Variants in EPPK1 observed in about 807,000 individuals in gnomAD.
The protein encoded by EPPK1 is epiplakin.
For synonymous variants in EPPK1, 1,862 were observed against 1,721.2 expected (o/e 1.08, Z -2.03); for missense variants, 3,823 against 3,673.3 (o/e 1.04, Z -1.05).
At position 143,866,962 on chromosome 8, in the gene EPPK1, C is replaced by G; in HGVS notation, c.6292G>C (p.Glu2098Gln). The G allele has an allele frequency of 2.5e-6, 4 of 1,612,842 alleles. No homozygotes were observed. The South Asian group carries it at 3.3e-5, about 13-fold the overall frequency. ...AARDSEHIDD[E>Q]TRRALEAEQV... The stretch of plus-strand genomic sequence containing the variant: ...TCTGCCTCCAGGGCCCTTCTCGTCT[C>G]GTCATCGATGTGCTCGGAGTCCCGT... The change falls in exon 2 of 2, where the codon GAG becomes CAG. Residue 2098 changes from glutamate (E) to glutamine (Q), a missense_variant. Physicochemically the swap from Glu to Gln is conservative, Grantham distance 29. Coordinates refer to ENST00000615648, the MANE Select transcript of EPPK1 (RefSeq NM_031308.4).
chr8:143,872,826 T>A lies in EPPK1; in HGVS notation c.428A>T (p.Asp143Val), dbSNP rs966497949. The change falls in exon 2 of 2, where the codon GAC becomes GTC. Residue 143 changes from aspartate to valine, a missense_variant. By Grantham distance (152) the Asp-to-Val change is radical. Transcript: ENST00000615648. ...CAGCCAGCTCTGCCCCAGGGCCCTG[T>A]CCACAACCTCCTTCCCGATGGCCTG... ...LFQAIGKEVV[D>V]RALGQSWLEV... 6.4e-7 allele frequency: 1 copy of A among 1,561,564 alleles called. No individual in the cohort carries two copies.
chr8:143,871,331 G>A lies in EPPK1; in HGVS notation c.1923C>T (p.Leu641=), dbSNP rs368141570. ...CKGLLRPGTA[L]ILLEAQAATG... is the part of the protein sequence containing the mutation. ...TGGCAGCTTGTGCCTCCAGAAGGAT[G>A]AGGGCAGTGCCGGGCCGGAGGAGCC... The change falls in exon 2 of 2, where the codon CTC becomes CTT. Residue 641 remains leucine, a synonymous_variant. Coordinates refer to ENST00000615648, the MANE Select transcript of EPPK1 (RefSeq NM_031308.4). The A allele has an allele frequency of 1.2e-6, 2 of 1,611,660 alleles. No individual in the cohort carries two copies. The highest frequency in any genetic ancestry group is 2.2e-5 in the South Asian group (2 of 90,872).
chr8:143,878,698 G>A (rs1819541288), upstream of EPPK1, among the ~76,000 whole-genome samples: 3 of 152,058 alleles, frequency 2.0e-5, no homozygotes, highest in South Asian at 6.2e-4. Flanking sequence ...GGGCGGGCGC[G>A]GAGGCGTCCT....
chr8:143,873,170 G>A lies in EPPK1; in HGVS notation c.84C>T (p.Ala28=). The change falls in exon 2 of 2, where the codon GCC becomes GCT. Residue 28 remains alanine (A), a synonymous_variant. Transcript: ENST00000615648. ...EQASVPRAMA[A]TLGAGTPPRP... ...TGGGGGGCGTGCCGGCTCCCAGCGTGGCTGCCATGGCTCTGGGTACACTGG... is the reference window on the plus strand; with the variant it reads ...TGGGGGGCGTGCCGGCTCCCAGCGTAGCTGCCATGGCTCTGGGTACACTGG... 1 of 1,594,744 alleles carries A rather than the reference G, an allele frequency of 6.3e-7. No individual in the cohort carries two copies.
intron 1 of EPPK1, among the ~76,000 whole-genome samples, chr8:143,876,910 G>T (rs1022952113): frequency 2.0e-5 from 3 of 152,244 alleles, no homozygotes; most frequent in Non-Finnish European, 4.4e-5. Flanking sequence ...CAGTGAGGGT[G>T]GGGACAGCAC....
Position 143,857,920 on chromosome 8 carries a change from C to CCAAACAAAAAA in EPPK1, c.*66_*67insTTTTTTGTTTG. 1 of 319,416 alleles carries CCAAACAAAAAA rather than the reference C, an allele frequency of 3.1e-6. No individual in the cohort carries two copies. The allele number at this position is 319,416 out of a possible 1,614,324, so 19.8% of individuals were successfully genotyped here. On this transcript the variant is annotated 3_prime_UTR_variant, in exon 2 of 2. Coordinates refer to ENST00000615648, the MANE Select transcript of EPPK1 (RefSeq NM_031308.4). ...ACAAAAAAAAAAAAAAAAAAAAAAA[C>CCAAACAAAAAA]AACCCAGACACACAAGTATGCCTCC...
In EPPK1 at chr8:143,870,165, A is replaced by G; in HGVS notation, c.3089T>C (p.Leu1030Pro). ...VSVFQAMKKG[L>P]IPWEQAARLL... ...GCGGGCAGCTTGCTCCCAAGGGATG[A>G]GACCTTTCTTCATGGCCTGGAACAC... is the stretch of plus-strand genomic sequence containing the variant. The change falls in exon 2 of 2, where the codon CTC becomes CCC. Residue 1030 changes from leucine to proline, a missense_variant. Transcript: ENST00000615648. The surrounding 1 kb of genome is among the most constrained non-coding windows in gnomAD (Gnocchi z 5.2). The G allele has an allele frequency of 1.9e-6, 3 of 1,611,764 alleles. No homozygotes were observed. The highest frequency in any genetic ancestry group is 2.5e-6 in the Non-Finnish European group (3 of 1,179,440).
intron 1 of EPPK1, among the ~76,000 whole-genome samples, chr8:143,876,592 A>C (rs1008559658): frequency 6.6e-5 from 10 of 151,824 alleles, no homozygotes; most frequent in Admixed American, 6.6e-4. Flanking sequence ...CCTCAGACAG[A>C]CTCTGCTTCT....
intron 1 of EPPK1, among the ~76,000 whole-genome samples, chr8:143,877,635 C>T (rs1489237793): frequency 1.3e-5 from 2 of 152,114 alleles, no homozygotes; most frequent in African/African-American, 2.4e-5. Context: ...AGGCTGCAGC[C>T]GCCTGCCTGA....
At position 143,868,409 on chromosome 8, in the gene EPPK1, G is replaced by A. The variant is rs782704465; in HGVS notation, c.4845C>T (p.Ile1615=). ...TCAGCTTCCGGTTCTCCACGGGGTC[G>A]ATGATGAAGCCGGTAGCTGCCTGTG... is the stretch of plus-strand genomic sequence containing the variant. ...LEAQAATGFI[I]DPVENRKLTV... Residue 1615 remains isoleucine (I), a synonymous_variant, in exon 2 of 2, where the codon ATC becomes ATT. Transcript: ENST00000615648. 25 of 1,612,478 alleles carry A rather than the reference G, an allele frequency of 1.6e-5. No individual in the cohort carries two copies. Among genetic ancestry groups the A allele is most frequent in the African/African-American group, 4.0e-5 (3 of 74,932 alleles).
At position 143,866,783 on chromosome 8, in the gene EPPK1, G is replaced by A; in HGVS notation, c.6471C>T (p.Leu2157=). ...CCTGCTTCTCGATCAACTCTAAGATGAGCTGCGCTACCGTCTGCAGTGCCC... is the reference window on the plus strand; with the variant it reads ...CCTGCTTCTCGATCAACTCTAAGATAAGCTGCGCTACCGTCTGCAGTGCCC... ...TRRALQTVAQ[L]ILELIEKQET... The change falls in exon 2 of 2, where the codon CTC becomes CTT. Residue 2157 remains leucine, a synonymous_variant. Transcript: ENST00000615648. The A allele has an allele frequency of 6.2e-7, 1 of 1,613,490 alleles. No homozygotes were observed. The highest frequency in any genetic ancestry group is 8.5e-7 in the Non-Finnish European group (1 of 1,179,884).
At chr8:143,878,870 C>T (rs1162804107), upstream of EPPK1, among the ~76,000 whole-genome samples, 1 of 152,014 alleles carries the variant, frequency 6.6e-6, no homozygotes, top group Non-Finnish European at 1.5e-5. Context: ...TTCCTGGGGA[C>T]GCTGCTTCAC....
At chr8:143,876,249 C>G (rs545145021) in intron 1 of EPPK1, among the ~76,000 whole-genome samples, 1 of 152,268 alleles carries the variant, frequency 6.6e-6, no homozygotes, top group South Asian at 2.1e-4. Flanking sequence ...TAGAACATCA[C>G]CCCCAGCCCT....
chr8:143,866,734 A>T lies in EPPK1; in HGVS notation c.6520T>A (p.Phe2174Ile). The change falls in exon 2 of 2, where the codon TTC becomes ATC. Residue 2174 changes from phenylalanine (F) to isoleucine (I), a missense_variant. Phe to Ile is a conservative substitution (Grantham distance 21). Transcript: ENST00000615648. ...GTGATCTGTCGTCTAATTCCTTGGAACCACAGGTGTTTGTTGCTGGTTTCC... is the reference window on the plus strand; with the variant it reads ...GTGATCTGTCGTCTAATTCCTTGGATCCACAGGTGTTTGTTGCTGGTTTCC... ...KQETSNKHLW[F>I]QGIRRQITAS... is the part of the protein sequence containing the mutation. 5 of 1,613,288 alleles carry T rather than the reference A, an allele frequency of 3.1e-6. No individual in the cohort carries two copies. In the South Asian group the frequency reaches 3.3e-5, roughly 11 times the overall value.
Position 143,871,232 on chromosome 8 carries a change from C to A in EPPK1, c.2022G>T (p.Gly674=), listed in dbSNP as rs543853939. 2.1e-5 allele frequency: 34 copies of A among 1,613,152 alleles called. No homozygotes were observed. In the South Asian group the frequency reaches 3.3e-4, roughly 16 times the overall value. The change falls in exon 2 of 2, where the codon GGG becomes GGT. Residue 674 remains glycine (G), a synonymous_variant. Transcript: ENST00000615648. Reference sequence around the variant, plus strand: ...ACAGCAGCTTCGCGAACACATCAGGCCCAATGACAGCAGCCCTCAGTGCCT... The same window carrying A: ...ACAGCAGCTTCGCGAACACATCAGGACCAATGACAGCAGCCCTCAGTGCCT... ...VEEALRAAVI[G]PDVFAKLLSA...
At position 143,866,541 on chromosome 8, in the gene EPPK1, C is replaced by G; in HGVS notation, c.6713G>C (p.Gly2238Ala). Residue 2238 changes from glycine to alanine, a missense_variant, in exon 2 of 2, where the codon GGC becomes GCC. Transcript: ENST00000615648. Reference protein sequence around the residue: ...GVLVPAKDQPGRQEKMSIYQA... With the variant: ...GVLVPAKDQPARQEKMSIYQA... The stretch of plus-strand genomic sequence containing the variant: ...GTAGATGCTCATCTTCTCCTGGCGG[C>G]CGGGCTGGTCCTTGGCGGGCACCAG... 3.1e-6 allele frequency: 5 copies of G among 1,591,800 alleles called. No individual in the cohort carries two copies. The highest frequency in any genetic ancestry group is 1.7e-4 in the Middle Eastern group (1 of 5,910).
In EPPK1 at chr8:143,871,611, G is replaced by A; in HGVS notation, c.1643C>T (p.Thr548Ile). 6.2e-7 allele frequency: 1 copy of A among 1,608,002 alleles called. No homozygotes were observed. Among genetic ancestry groups the A allele is most frequent in the Non-Finnish European group, 8.5e-7 (1 of 1,178,236 alleles). ...GGCAGTGGCTGCAGCCTGCTCGAGG[G>A]TGGCGCTCAGCTTAGCGGCCAGCTT... ...VEKLAAKLSA[T>I]LEQAAATARV... The change falls in exon 2 of 2, where the codon ACC (threonine) becomes ATC (isoleucine). Residue 548 changes from threonine (T) to isoleucine (I), a missense_variant. Physicochemically the swap from Thr to Ile is moderately conservative, Grantham distance 89. Transcript: ENST00000615648.
chr8:143,870,022 A>G lies in EPPK1; in HGVS notation c.3232T>C (p.Ser1078Pro), dbSNP rs1819286817. The G allele has an allele frequency of 3.7e-6, 6 of 1,610,786 alleles. No individual in the cohort carries two copies. Among genetic ancestry groups the G allele is most frequent in the Non-Finnish European group, 5.1e-6 (6 of 1,179,064 alleles). Reference sequence around the variant, plus strand: ...GTGGGGAAGGTTTCGGAGGAGCTGGACAAGGCTGTCTCCATCTCCTGGTCA... The same window carrying G: ...GTGGGGAAGGTTTCGGAGGAGCTGGGCAAGGCTGTCTCCATCTCCTGGTCA... Reference protein sequence around the residue: ...YVDQEMETALSSSSETFPTPD... With the variant: ...YVDQEMETALPSSSETFPTPD... The change falls in exon 2 of 2, where the codon TCC becomes CCC. Residue 1078 changes from serine to proline, a missense_variant. Transcript: ENST00000615648. This position sits in a 1 kb window ranked among gnomAD's most constrained non-coding sequence, Gnocchi z 5.2.
At position 143,859,304 on chromosome 8, in the gene EPPK1, G is replaced by A. The variant is rs1818990551; in HGVS notation, c.13950C>T (p.Pro4650=). Residue 4650 remains proline, a synonymous_variant, in exon 2 of 2, where the codon CCC becomes CCT. Coordinates refer to ENST00000615648, the MANE Select transcript of EPPK1 (RefSeq NM_031308.4). The part of the protein sequence containing the change: ...EAEAGSPRPD[P]REALRAATME... ...TGGTGGCCGCACGCAGGGCCTCCCG[G>A]GGGTCTGGGCGCGGGCTCCCGGCCT... is the stretch of plus-strand genomic sequence containing the variant. 1 of 363,124 alleles carries A rather than the reference G, an allele frequency of 2.8e-6. No individual in the cohort carries two copies. Among genetic ancestry groups the A allele is most frequent in the African/African-American group, 2.3e-5 (1 of 43,264 alleles). The allele number at this position is 363,124 out of a possible 1,614,324, so 22.5% of individuals were successfully genotyped here.
Sources: gnomAD v4.1 joint callset for allele counts (sites outside exome capture counted in the v4.1 genomes callset) on GRCh38, gnomAD v4.1.1 for gene constraint, Gnocchi (gnomAD v3.1) non-coding constraint, MANE v1.5 for transcripts, NCBI Gene and HGNC (gene_info 2026-07-23, HGNC 2026-07-21) for gene names.